Variants in TXNDC9 observed in about 807,000 individuals in gnomAD.
TXNDC9 encodes thioredoxin domain containing 9.
In TXNDC9, 7 loss-of-function variants were observed where a neutral mutation model predicts 23.0. That is an observed-to-expected ratio of 0.30 (90% confidence interval 0.17 to 0.57). The LOEUF (loss-of-function observed/expected upper bound fraction) is 0.57. Ranked by LOEUF, TXNDC9 falls within the 20% of genes least tolerant of loss-of-function variation. The pLI is 0.90. For synonymous variants in TXNDC9, 72 were observed against 90.6 expected (o/e 0.79, Z 1.17); for missense variants, 198 against 252.6 (o/e 0.78, Z 1.47).
chr2:99,327,256 G>GAGGCAGGGTTTCGCCATGTTGGCC (rs1288114363), intron 3 of TXNDC9, among the ~76,000 whole-genome samples: 1 of 152,026 alleles, frequency 6.6e-6, no homozygotes, highest in African/African-American at 2.4e-5. Context: ...AGTTTTAGTA[G>GAGGCAGGGTTTCGCCATGTTGGCC]AGGCAGGGTT....
intron 1 of TXNDC9, among the ~76,000 whole-genome samples, chr2:99,335,439 G>A (rs999122170): frequency 6.6e-6 from 1 of 152,192 alleles, no homozygotes; most frequent in African/African-American, 2.4e-5. Flanking sequence ...ACACGTGCCT[G>A]ACTTCTGTTC....
chr2:99,333,248 G>A lies in TXNDC9; in HGVS notation c.-32-6C>T. The A allele has an allele frequency of 6.4e-7, 1 of 1,565,788 alleles. No individual in the cohort carries two copies. Among genetic ancestry groups the A allele is most frequent in the Non-Finnish European group, 8.6e-7 (1 of 1,158,710 alleles). ...TACAGAGTTCAGCCTGGGTGCTGGG[G>A]AGAAGATTTACAAAATACATTTTAA... On this transcript the variant is annotated splice_polypyrimidine_tract_variant and splice_region_variant and intron_variant, in intron 1 of 4. Transcript: ENST00000264255.
the TXNDC9 span, among the ~76,000 whole-genome samples, chr2:99,309,709 CAG>C: frequency 1.7e-4 from 26 of 151,998 alleles, 1 homozygote; most frequent in South Asian, 4.8e-3. Context: ...TTTTTTGAGA[CAG>C]AGTCTCACTC....
At position 99,319,610 on chromosome 2, in the gene TXNDC9, T is replaced by C; in HGVS notation, c.*72A>G. On this transcript the variant is annotated 3_prime_UTR_variant, in exon 5 of 5. Transcript: ENST00000264255. ...ATTTAGGTGACCAATGTATAGACATTAATAGAATTTTAAAAACACATTTAA... is the reference window on the plus strand; with the variant it reads ...ATTTAGGTGACCAATGTATAGACATCAATAGAATTTTAAAAACACATTTAA... 3 of 1,148,054 alleles carry C rather than the reference T, an allele frequency of 2.6e-6. No homozygotes were observed. The highest frequency in any genetic ancestry group is 3.8e-6 in the Non-Finnish European group (3 of 781,658). The allele number at this position is 1,148,054 out of a possible 1,614,324, so 71.1% of individuals were successfully genotyped here.
rs1464933334 is a variant in TXNDC9 at position 99,319,147 on chromosome 2, A to T, written c.*535T>A. On this transcript the variant is annotated 3_prime_UTR_variant, in exon 5 of 5. Transcript: ENST00000264255. ...TACAAGCAATCAGGACCCTTTAAAT[A>T]AGGCAGTATGTTCACAAATCAAAAT... is the stretch of plus-strand genomic sequence containing the variant. The T allele has an allele frequency of 6.6e-6, 1 of 152,310 alleles. No individual in the cohort carries two copies. The highest frequency in any genetic ancestry group is 1.5e-5 in the Non-Finnish European group (1 of 68,088). The allele number at this position is 152,310 out of a possible 1,614,324, so 9.4% of individuals were successfully genotyped here.
intron 4 of TXNDC9, chr2:99,321,015 TTCTGAGATTACACAAG>T: frequency 6.6e-6 from 1 of 152,220 alleles, no homozygotes; most frequent in South Asian, 2.1e-4. Flanking sequence ...GTCTGTAATC[TTCTGAGATTACACAAG>T]TGCCCCACCC....
Position 99,319,646 on chromosome 2 carries a change from GAAAA to G in TXNDC9, c.*32_*35del, listed in dbSNP as rs76843435. On this transcript the variant is annotated 3_prime_UTR_variant, in exon 5 of 5. Coordinates refer to ENST00000264255, the MANE Select transcript of TXNDC9 (RefSeq NM_005783.4). ...TAAAAACACATTTAAATCTGAAGCAGAAAAAAAAAGACAATTTACAAAGAATTAT... is the reference window on the plus strand; with the variant it reads ...TAAAAACACATTTAAATCTGAAGCAGAAAAAGACAATTTACAAAGAATTAT... 4.9e-6 allele frequency: 7 copies of G among 1,419,292 alleles called. No individual in the cohort carries two copies. The highest frequency in any genetic ancestry group is 6.8e-6 in the Non-Finnish European group (7 of 1,030,828). 87.9% of individuals were successfully genotyped at this position (1,419,292 alleles called of 1,614,324 possible).
downstream of TXNDC9, among the ~76,000 whole-genome samples, chr2:99,314,783 T>C (rs1237627164): frequency 2.0e-5 from 3 of 152,018 alleles, no homozygotes; most frequent in African/African-American, 7.2e-5. Flanking sequence ...AAGTGGGATG[T>C]CATTGTGGTT....
intron 3 of TXNDC9, among the ~76,000 whole-genome samples, chr2:99,325,490 A>G (rs575431890): frequency 6.6e-6 from 1 of 152,354 alleles, no homozygotes; most frequent in South Asian, 2.1e-4. Flanking sequence ...TGTGCTAGGA[A>G]CTTTGCTAAT....
At chr2:99,331,032 A>G (rs2094224284) in intron 2 of TXNDC9, among the ~76,000 whole-genome samples, 1 of 152,194 alleles carries the variant, frequency 6.6e-6, no homozygotes, top group African/African-American at 2.4e-5. Flanking sequence ...TATTCAGACC[A>G]CTGTTTTGAA....
chr2:99,310,871 C>A, the TXNDC9 span, among the ~76,000 whole-genome samples: 1 of 152,230 alleles, frequency 6.6e-6, no homozygotes, highest in African/African-American at 2.4e-5. Context: ...TTATGAACCA[C>A]TGCAGGAGGG....
intron 4 of TXNDC9, among the ~76,000 whole-genome samples, chr2:99,320,705 T>A (rs1208309619): frequency 6.6e-6 from 1 of 152,238 alleles, no homozygotes; most frequent in Non-Finnish European, 1.5e-5. Context: ...AAGAAAATGT[T>A]CTTGTTCTTA....
the TXNDC9 span, among the ~76,000 whole-genome samples, chr2:99,308,965 G>A: frequency 6.6e-6 from 1 of 152,000 alleles, no homozygotes; most frequent in African/African-American, 2.4e-5. Flanking sequence ...GCCTCCCATA[G>A]TGCTGGGATT....
intron 2 of TXNDC9, 92 bp downstream of exon 2, chr2:99,332,930 A>G: frequency 1.8e-6 from 2 of 1,101,700 alleles, no homozygotes; most frequent in Non-Finnish European, 2.7e-6. Context: ...CTAAACACAA[A>G]GAACGAAATG....
chr2:99,316,316 G>A (rs1350451174), downstream of TXNDC9, among the ~76,000 whole-genome samples: 3 of 151,906 alleles, frequency 2.0e-5, no homozygotes, highest in African/African-American at 7.3e-5. Context: ...GTTATGAGGT[G>A]GATGCCACCA....
intron 4 of TXNDC9, among the ~76,000 whole-genome samples, chr2:99,320,121 C>T (rs966796307): frequency 3.3e-5 from 5 of 152,214 alleles, no homozygotes; most frequent in African/African-American, 1.2e-4. Context: ...GATCCTCCCA[C>T]CTCAGCCTCC....
At chr2:99,306,810 G>T in the TXNDC9 span, 1 of 451,770 alleles carries the variant, frequency 2.2e-6, no homozygotes, top group Admixed American at 2.4e-5. Flanking sequence ...AAGTTTTTTT[G>T]GAACACAGTC....
At chr2:99,317,640 AT>A (rs796638781), downstream of TXNDC9, among the ~76,000 whole-genome samples, 12 of 146,690 alleles carry the variant, frequency 8.2e-5, no homozygotes, top group Admixed American at 4.1e-4. Context: ...CTAACCACTC[AT>A]TTTTTTTTTC....
chr2:99,310,229 G>C, the TXNDC9 span, among the ~76,000 whole-genome samples: 1 of 152,204 alleles, frequency 6.6e-6, no homozygotes, highest in South Asian at 2.1e-4. Flanking sequence ...GCAGTGCCAG[G>C]TACATGTGTA....
Sources: allele counts gnomAD v4.1 joint callset (sites outside exome capture counted in the v4.1 genomes callset), GRCh38; gene constraint gnomAD v4.1.1; transcripts MANE v1.5; gene names NCBI Gene and HGNC (gene_info 2026-07-23, HGNC 2026-07-21).